PCDHGA5: variants seen among roughly 807,000 people sequenced by gnomAD.
The protein encoded by PCDHGA5 is protocadherin gamma-A5.
PCDHGA5 carries 36 observed loss-of-function variants against 56.7 expected under a neutral mutation model. That is an observed-to-expected ratio of 0.64 (90% CI 0.49 to 0.84). PCDHGA5 has a LOEUF of 0.84. PCDHGA5 is among the 40% of genes least tolerant of loss of function. PCDHGA5 has a pLI of 0.00. For synonymous variants in PCDHGA5, 563 were observed against 520.2 expected (o/e 1.08, Z -1.12); for missense variants, 1,305 against 1,201.5 (o/e 1.09, Z -1.27).
At chr5:141,500,782 T>G (rs2099802612) in intron 2 of PCDHGA5, among the ~76,000 whole-genome samples, 2 of 152,222 alleles carry the variant, frequency 1.3e-5, no homozygotes, top group Admixed American at 1.3e-4. Context: ...ATATACATAT[T>G]ATTTTACAGA....
chr5:141,385,490 G>A, intron 1 of PCDHGA5: 15 of 1,399,988 alleles, frequency 1.1e-5, no homozygotes, highest in East Asian at 2.6e-5. Context: ...AGAACACATA[G>A]GATATAGTAT....
chr5:141,486,189 A>T lies in PCDHGA5; in HGVS notation c.2422-8618A>T, dbSNP rs761466492. 6.2e-7 allele frequency: 1 copy of T among 1,614,062 alleles called. No individual in the cohort carries two copies. Among genetic ancestry groups the T allele is most frequent in the Non-Finnish European group, 8.5e-7 (1 of 1,179,994 alleles). ...GAGCAACATTGCAGCCTTCGAGTGG[A>T]TCTGCTGGACGTAAATGACAATGCC... is the stretch of plus-strand genomic sequence containing the variant. On this transcript the variant is annotated intron_variant, in intron 1 of 3. Coordinates refer to ENST00000518069, the MANE Select transcript of PCDHGA5 (RefSeq NM_018918.3). The surrounding 1 kb of genome is among the most constrained non-coding windows in gnomAD (Gnocchi z 5.0).
At chr5:141,474,159 G>A (rs2154571930) in intron 1 of PCDHGA5, among the ~76,000 whole-genome samples, 1 of 152,226 alleles carries the variant, frequency 6.6e-6, no homozygotes, top group South Asian at 2.1e-4. Context: ...GAAAATGACA[G>A]GCCTTATTAT....
rs115607451 is a variant in PCDHGA5, at chr5:141,508,636, A to C, written c.2570-2311A>C. Among the ~76,000 whole-genome samples, 998 of 151,746 alleles carry C rather than the reference A, an allele frequency of 6.6e-3. 12 individuals are homozygous for C. The highest frequency in any genetic ancestry group is 0.023 in the African/African-American group (958 of 41,372). ...ACGTGGGTGGGCCGAGCTTCTAGCT[A>C]CTCCGTCAGGCCCTTCCTGTCATTC... On this transcript the variant is annotated intron_variant, in intron 3 of 3. Transcript: ENST00000518069.
chr5:141,486,166 G>A lies in PCDHGA5; in HGVS notation c.2422-8641G>A. ...GCGATGGGGGTTCTCCAGCCATGGA[G>A]CAACATTGCAGCCTTCGAGTGGATC... On this transcript the variant is annotated intron_variant, in intron 1 of 3. Coordinates refer to ENST00000518069, the MANE Select transcript of PCDHGA5 (RefSeq NM_018918.3). The surrounding 1 kb of genome is among the most constrained non-coding windows in gnomAD (Gnocchi z 5.0). The A allele has an allele frequency of 2.5e-6, 4 of 1,614,224 alleles. No individual in the cohort carries two copies. The highest frequency in any genetic ancestry group is 3.4e-6 in the Non-Finnish European group (4 of 1,180,040).
At chr5:141,509,344 T>A (rs2099876374) in intron 3 of PCDHGA5, among the ~76,000 whole-genome samples, 1 of 152,202 alleles carries the variant, frequency 6.6e-6, no homozygotes, top group Admixed American at 6.5e-5. Flanking sequence ...GGGCCTGGGC[T>A]GGCCTGGGCA....
In PCDHGA5 at chr5:141,366,394, C is replaced by A; in HGVS notation, c.2064C>A (p.Asp688Glu). 6.2e-7 allele frequency: 1 copy of A among 1,614,168 alleles called. No homozygotes were observed. The highest frequency in any genetic ancestry group is 8.5e-7 in the Non-Finnish European group (1 of 1,180,044). The change falls in exon 1 of 4, where the codon GAC (aspartate) becomes GAA (glutamate). Residue 688 changes from aspartate (D) to glutamate (E), a missense_variant. Asp to Glu is a conservative substitution (Grantham distance 45). Coordinates refer to ENST00000518069, the MANE Select transcript of PCDHGA5 (RefSeq NM_018918.3). ...CCCCCATTGACCCTGAGGATCTGGA[C>A]CTCACACTCTATCTTGTGGTGGCAG... ...IKTPIDPEDLDLTLYLVVAVA... is the reference protein window; with the variant it reads ...IKTPIDPEDLELTLYLVVAVA...
intron 1 of PCDHGA5, among the ~76,000 whole-genome samples, chr5:141,479,041 C>T (rs1346986831): frequency 1.2e-4 from 18 of 152,100 alleles, no homozygotes; most frequent in Admixed American, 1.2e-3. Flanking sequence ...AGATCGTGTA[C>T]CTCATTCTCA....
Position 141,415,491 on chromosome 5 carries a change from G to C in PCDHGA5, c.2421+48740G>C, listed in dbSNP as rs1386703838. 3.7e-6 allele frequency: 6 copies of C among 1,614,090 alleles called. No homozygotes were observed. The Admixed American group carries it at 8.3e-5, about 22-fold the overall frequency. ...CCGCGGACTCGCGAAAGAGTCACCTGATCTTCCCCCAGCCCAATTATGCGG... is the reference window on the plus strand; with the variant it reads ...CCGCGGACTCGCGAAAGAGTCACCTCATCTTCCCCCAGCCCAATTATGCGG... On this transcript the variant is annotated intron_variant, in intron 1 of 3. Coordinates refer to ENST00000518069, the MANE Select transcript of PCDHGA5 (RefSeq NM_018918.3).
intron 1 of PCDHGA5, chr5:141,403,402 A>T: frequency 6.2e-7 from 1 of 1,614,076 alleles, no homozygotes; most frequent in Non-Finnish European, 8.5e-7. Flanking sequence ...TTCCTGGAGC[A>T]CGTTATCCAC....
At chr5:141,375,214 C>T (rs750367246) in intron 1 of PCDHGA5, 2 of 1,613,928 alleles carry the variant, frequency 1.2e-6, no homozygotes, top group Non-Finnish European at 1.7e-6. Context: ...GAGACTCTGG[C>T]CTGAATGGCC....
At chr5:141,447,829 T>A (rs2098552664) in intron 1 of PCDHGA5, among the ~76,000 whole-genome samples, 1 of 152,214 alleles carries the variant, frequency 6.6e-6, no homozygotes. Context: ...CTCACGCCTG[T>A]AATCCCAGTG....
Position 141,365,310 on chromosome 5 carries a change from T to C in PCDHGA5, c.980T>C (p.Leu327Pro), listed in dbSNP as rs1471610081. Residue 327 changes from leucine (L) to proline (P), a missense_variant, in exon 1 of 4, where the codon CTT (leucine) becomes CCT (proline). Coordinates refer to ENST00000518069, the MANE Select transcript of PCDHGA5 (RefSeq NM_018918.3). The part of the protein sequence containing the change: ...MEVVAQDGGA[L>P]VASAKVVVTV... ...GTGGTAGCTCAGGATGGAGGCGCTCTTGTTGCCAGCGCTAAGGTGGTGGTC... is the reference window on the plus strand; with the variant it reads ...GTGGTAGCTCAGGATGGAGGCGCTCCTGTTGCCAGCGCTAAGGTGGTGGTC... 6.2e-7 allele frequency: 1 copy of C among 1,613,896 alleles called. No individual in the cohort carries two copies. Among genetic ancestry groups the C allele is most frequent in the Admixed American group, 1.7e-5 (1 of 60,016 alleles).
At chr5:141,469,896 C>T (rs934040636) in intron 1 of PCDHGA5, among the ~76,000 whole-genome samples, 4 of 152,074 alleles carry the variant, frequency 2.6e-5, no homozygotes, top group Admixed American at 6.5e-5. Context: ...TTTGGGAAGC[C>T]GAGGCAGGCA....
chr5:141,491,763 T>C lies in PCDHGA5; in HGVS notation c.2422-3044T>C. 1 of 1,570,222 alleles carries C rather than the reference T, an allele frequency of 6.4e-7. No homozygotes were observed. Among genetic ancestry groups the C allele is most frequent in the Non-Finnish European group, 8.6e-7 (1 of 1,159,286 alleles). Reference sequence around the variant, plus strand: ...GCGGCACTGGAGAAGCCGCCCGTCCTCATAAGGGATTGAACTTGCATCCAC... The same window carrying C: ...GCGGCACTGGAGAAGCCGCCCGTCCCCATAAGGGATTGAACTTGCATCCAC... On this transcript the variant is annotated intron_variant, in intron 1 of 3. Coordinates refer to ENST00000518069, the MANE Select transcript of PCDHGA5 (RefSeq NM_018918.3). The surrounding 1 kb of genome is among the most constrained non-coding windows in gnomAD (Gnocchi z 6.9).
chr5:141,419,419 C>A (rs767018815), intron 1 of PCDHGA5: 1 of 1,613,384 alleles, frequency 6.2e-7, no homozygotes. Context: ...AGCGCGCCTT[C>A]GACCACGAGC....
intron 1 of PCDHGA5, chr5:141,410,094 C>G: frequency 6.2e-7 from 1 of 1,612,646 alleles, no homozygotes; most frequent in Non-Finnish European, 8.5e-7. Context: ...ACGGCTCGAG[C>G]CTTAGGCGAC....
intron 1 of PCDHGA5, among the ~76,000 whole-genome samples, chr5:141,443,654 G>A (rs2098397947): frequency 6.6e-6 from 1 of 152,150 alleles, no homozygotes; most frequent in Non-Finnish European, 1.5e-5. Context: ...TGTTAGCATA[G>A]CATTTTACTG....
At chr5:141,479,470 T>G (rs2099497188) in intron 1 of PCDHGA5, 1 of 152,250 alleles carries the variant, frequency 6.6e-6, no homozygotes, top group African/African-American at 2.4e-5. Context: ...CAGTGACCTC[T>G]TGGGAGGGCA....
Sources: allele counts gnomAD v4.1 joint callset (sites outside exome capture counted in the v4.1 genomes callset), GRCh38; gene constraint gnomAD v4.1.1; non-coding constraint Gnocchi (gnomAD v3.1); transcripts MANE v1.5; gene names NCBI Gene and HGNC (gene_info 2026-07-23, HGNC 2026-07-21).